MINDY2: variants seen among roughly 807,000 people sequenced by gnomAD.
MINDY2 encodes the protein ubiquitin carboxyl-terminal hydrolase MINDY-2.
Under a neutral mutation model 68.2 loss-of-function variants are expected in MINDY2, and 52 were observed. The ratio of observed to expected loss-of-function variants is 0.76; its 90% CI spans 0.61 to 0.96. The LOEUF is 0.96. Ranked by LOEUF, MINDY2 falls within the 40% of genes least tolerant of loss-of-function variation. The pLI is 0.00. For missense variants in MINDY2, 881 were observed against 773.4 expected (o/e 1.14, Z -1.65); for synonymous variants, 372 against 303.0 (o/e 1.23, Z -2.36).
chr15:58,773,144 A>AC (rs397818937), intron 1 of MINDY2, among the ~76,000 whole-genome samples: 1 of 151,582 alleles, frequency 6.6e-6, no homozygotes, highest in Non-Finnish European at 1.5e-5. Context: ...GGAAAAAAAA[A>AC]CAAAACAAAC....
At chr15:58,793,136 AG>A (rs747227801) in intron 2 of MINDY2, among the ~76,000 whole-genome samples, 1 of 152,202 alleles carries the variant, frequency 6.6e-6, no homozygotes, top group Non-Finnish European at 1.5e-5. Context: ...GGTTTCTTTT[AG>A]GGAAGACCAA....
At chr15:58,827,546 C>G (rs1231147985) in intron 5 of MINDY2, among the ~76,000 whole-genome samples, 1 of 152,276 alleles carries the variant, frequency 6.6e-6, no homozygotes, top group East Asian at 1.9e-4. Context: ...TCACTGTAAG[C>G]TCCGCCTTCC....
At chr15:58,854,352 T>C (rs148690315) in intron 8 of MINDY2, 130 bp from the exon 9 acceptor site, 4 of 933,694 alleles carry the variant, frequency 4.3e-6, no homozygotes, top group Admixed American at 2.9e-5. Context: ...ATAACAAATC[T>C]GTATGCCAAT....
At position 58,852,922 on chromosome 15, in the gene MINDY2, G is replaced by GTTTTTTTTTTTTTTTTTTTTT. The variant is rs746154698; in HGVS notation, c.1737+985_1737+1005dup. On this transcript the variant is annotated intron_variant, in intron 8 of 8. Transcript: ENST00000559228. Reference sequence around the variant, plus strand: ...TATACCATGCCAGACTGCTGTTCCTGTTTTTTTTTTTTTTTTTTTTTTTTT... The same window carrying GTTTTTTTTTTTTTTTTTTTTT: ...TATACCATGCCAGACTGCTGTTCCTGTTTTTTTTTTTTTTTTTTTTTTTTTTTTTTTTTTTTTTTTTTTTTT... 8.2e-5 allele frequency among the ~76,000 whole-genome samples: 4 copies of GTTTTTTTTTTTTTTTTTTTTT among 48,930 alleles called. 1 individual carries two copies. The highest frequency in any genetic ancestry group is 3.0e-4 in the African/African-American group (4 of 13,282). 32.1% of individuals were successfully genotyped at this position (48,930 alleles called of 152,430 possible).
rs1267893917 is a variant in MINDY2, at chr15:58,855,841, A to C, written c.*1231A>C. The C allele has an allele frequency of 1.3e-5, 2 of 151,664 alleles. No individual in the cohort carries two copies. The highest frequency in any genetic ancestry group is 1.3e-4 in the Admixed American group (2 of 15,136). 9.4% of individuals were successfully genotyped at this position (151,664 alleles called of 1,614,324 possible). ...GGGCTGAGGCAGGAGAATTGCTTGAACCCGGCAGGCAGAGGTTGCAGTGAG... is the reference window on the plus strand; with the variant it reads ...GGGCTGAGGCAGGAGAATTGCTTGACCCCGGCAGGCAGAGGTTGCAGTGAG... On this transcript the variant is annotated 3_prime_UTR_variant, in exon 9 of 9. Coordinates refer to ENST00000559228, the MANE Select transcript of MINDY2 (RefSeq NM_001040450.3).
At chr15:58,833,155 T>A (rs1173348941) in intron 6 of MINDY2, among the ~76,000 whole-genome samples, 1 of 152,238 alleles carries the variant, frequency 6.6e-6, no homozygotes, top group Non-Finnish European at 1.5e-5. Context: ...TACAGTAGAA[T>A]ACTGTTCTGA....
At chr15:58,833,395 A>C (rs948750429) in intron 6 of MINDY2, among the ~76,000 whole-genome samples, 17 of 152,190 alleles carry the variant, frequency 1.1e-4, no homozygotes, top group African/African-American at 3.6e-4. Context: ...TAGGTGGAAC[A>C]AGAGACTTGG....
chr15:58,832,814 C>T (rs1386339788), intron 6 of MINDY2, among the ~76,000 whole-genome samples: 5 of 152,284 alleles, frequency 3.3e-5, no homozygotes, highest in Admixed American at 3.3e-4. Flanking sequence ...GCTTGAGCCA[C>T]CGTGTGCGGC....
intron 6 of MINDY2, among the ~76,000 whole-genome samples, chr15:58,841,606 T>C (rs190446978): frequency 1.3e-5 from 2 of 152,026 alleles, no homozygotes; most frequent in African/African-American, 4.8e-5. Flanking sequence ...AGTTTCACCA[T>C]GTTCGTCAGG....
At chr15:58,847,228 T>G (rs962481261) in intron 6 of MINDY2, 69 bp from the exon 7 acceptor site, 9 of 1,258,832 alleles carry the variant, frequency 7.1e-6, no homozygotes, top group South Asian at 3.4e-5. Context: ...TGTAAAACTT[T>G]CCTTAAATAT....
chr15:58,841,510 A>G (rs2032284608), intron 6 of MINDY2, among the ~76,000 whole-genome samples: 1 of 150,978 alleles, frequency 6.6e-6, no homozygotes, highest in Non-Finnish European at 1.5e-5. Context: ...GGTTCAAGCA[A>G]TTTTCCTGCC....
intron 1 of MINDY2, among the ~76,000 whole-genome samples, chr15:58,775,872 T>G (rs1900741924): frequency 6.6e-6 from 1 of 151,426 alleles, no homozygotes; most frequent in Non-Finnish European, 1.5e-5. Flanking sequence ...TTTTTTTTTT[T>G]TTTTTTGAGA....
chr15:58,848,514 C>T (rs1340304718), intron 7 of MINDY2, among the ~76,000 whole-genome samples: 2 of 152,038 alleles, frequency 1.3e-5, no homozygotes, highest in East Asian at 1.9e-4. Flanking sequence ...GAGGCCGAGG[C>T]GGGTAGATCA....
chr15:58,781,572 T>C (rs1413574750), intron 1 of MINDY2, among the ~76,000 whole-genome samples: 2 of 152,304 alleles, frequency 1.3e-5, no homozygotes, highest in East Asian at 1.9e-4. Context: ...CAAAGCCTTT[T>C]TAACTTGTGG....
At chr15:58,794,093 T>C (rs1902114076) in intron 2 of MINDY2, among the ~76,000 whole-genome samples, 1 of 151,704 alleles carries the variant, frequency 6.6e-6, no homozygotes, top group African/African-American at 2.4e-5. Flanking sequence ...ATGTTGCCAG[T>C]GGTGGGGCCA....
chr15:58,782,710 A>G (rs1401601125), intron 1 of MINDY2, among the ~76,000 whole-genome samples: 1 of 148,698 alleles, frequency 6.7e-6, no homozygotes, highest in Non-Finnish European at 1.5e-5. Context: ...GTAATTGGTA[A>G]TTTGGTAATT....
At chr15:58,847,578 G>C in intron 7 of MINDY2, 108 bp downstream of exon 7, 1 of 918,862 alleles carries the variant, frequency 1.1e-6, no homozygotes, top group Non-Finnish European at 1.6e-6. Context: ...CAATATGCTT[G>C]TGAAATTTTC....
intron 2 of MINDY2, among the ~76,000 whole-genome samples, chr15:58,801,455 A>G (rs754385615): frequency 2.7e-5 from 4 of 150,874 alleles, no homozygotes; most frequent in Non-Finnish European, 5.9e-5. Context: ...AAGTATGTAC[A>G]TACAGTTAAT....
Position 58,860,941 on chromosome 15 carries a change from A to G in MINDY2, c.*6331A>G, listed in dbSNP as rs991608716. 8 of 145,288 alleles carry G rather than the reference A, an allele frequency of 5.5e-5. No individual in the cohort carries two copies. Among genetic ancestry groups the G allele is most frequent in the Admixed American group, 2.2e-4 (3 of 13,924 alleles). 9.0% of individuals were successfully genotyped at this position (145,288 alleles called of 1,614,324 possible). ...CCTCAGAGGTTTTTGTTAAAAGACT[A>G]TCTTGCTTAATAAATGACAGCTTGT... On this transcript the variant is annotated 3_prime_UTR_variant, in exon 9 of 9. Transcript: ENST00000559228.
Sources: gnomAD v4.1 joint callset for allele counts (sites outside exome capture counted in the v4.1 genomes callset) on GRCh38, gnomAD v4.1.1 for gene constraint, MANE v1.5 for transcripts, NCBI Gene and HGNC (gene_info 2026-07-23, HGNC 2026-07-21) for gene names.